The following BCL2 variants were observed in gnomAD, a reference collection of about 807,000 sequenced individuals.
BCL2 encodes the protein BCL2 apoptosis regulator, also known as apoptosis regulator Bcl-2.
Under a neutral mutation model 14.2 loss-of-function variants are expected in BCL2, and 1 was observed. The observed-to-expected ratio is 0.07, with a 90% CI of 0.02 to 0.33. The LOEUF is 0.33. Among genes scored for constraint, BCL2 ranks in the 10% least tolerant of loss-of-function variants. The pLI is 0.99. For synonymous variants in BCL2, 151 were observed against 137.2 expected, an observed-to-expected ratio of 1.10 and a Z score of -0.70; for missense variants, 247 against 305.9, an observed-to-expected ratio of 0.81 and a Z score of 1.44.
chr18:63,206,788 G>T (rs1909848479), intron 2 of BCL2, among the ~76,000 whole-genome samples: 1 of 152,218 alleles, frequency 6.6e-6, no homozygotes, highest in Middle Eastern at 3.4e-3. Flanking sequence ...AGCACAGTGG[G>T]AGGGTTGGGG....
chr18:63,193,559 ATTC>A (rs1307135421), intron 2 of BCL2, among the ~76,000 whole-genome samples: 2 of 151,008 alleles, frequency 1.3e-5, no homozygotes, highest in African/African-American at 4.9e-5. Flanking sequence ...ATATGAAAAT[ATTC>A]TTAAGGCGGA....
chr18:63,147,499 G>A (rs1283070879), intron 2 of BCL2, among the ~76,000 whole-genome samples: 1 of 152,140 alleles, frequency 6.6e-6, no homozygotes, highest in Non-Finnish European at 1.5e-5. Context: ...AAGAAGCCGG[G>A]ACGTGACCTG....
intron 2 of BCL2, among the ~76,000 whole-genome samples, chr18:63,276,984 T>C (rs1239809525): frequency 1.3e-5 from 2 of 152,194 alleles, no homozygotes; most frequent in Non-Finnish European, 1.5e-5. Flanking sequence ...TCATAAGAAG[T>C]GAGGTTTTGG....
Position 63,282,547 on chromosome 18 carries a change from G to A in BCL2, c.585+35535C>T, listed in dbSNP as rs77461827. Among the ~76,000 whole-genome samples the A allele has an allele frequency of 6.9e-3, 1,054 of 152,150 alleles. 12 individuals carry two copies. Among genetic ancestry groups the A allele is most frequent in the African/African-American group, 0.022 (920 of 41,516 alleles). ...AATGGCAGTTTGATTTGTAAAGCAC[G>A]GCAATGGAATGAAAATCTTATTTTC... On this transcript the variant is annotated intron_variant, in intron 2 of 2. Transcript: ENST00000333681.
chr18:63,181,053 G>A (rs1353229764), intron 2 of BCL2, among the ~76,000 whole-genome samples: 1 of 152,166 alleles, frequency 6.6e-6, no homozygotes, highest in Non-Finnish European at 1.5e-5. Context: ...GGCTCACGAC[G>A]GAGGCCCCAA....
chr18:63,178,318 A>G (rs1915397098), intron 2 of BCL2, among the ~76,000 whole-genome samples: 1 of 152,204 alleles, frequency 6.6e-6, no homozygotes, highest in African/African-American at 2.4e-5. Context: ...TTGTTTAGAA[A>G]TGAAAATGGC....
At chr18:63,159,192 G>A (rs1167093119) in intron 2 of BCL2, among the ~76,000 whole-genome samples, 1 of 152,152 alleles carries the variant, frequency 6.6e-6, no homozygotes, top group Non-Finnish European at 1.5e-5. Flanking sequence ...ACTGACTAGT[G>A]AGAAAAAGCA....
intron 2 of BCL2, among the ~76,000 whole-genome samples, chr18:63,186,089 T>C (rs1326692256): frequency 6.6e-6 from 1 of 152,236 alleles, no homozygotes; most frequent in East Asian, 1.9e-4. Flanking sequence ...TTGGTTTCAG[T>C]TAATATATAG....
chr18:63,246,652 G>A (rs1482420114), intron 2 of BCL2, among the ~76,000 whole-genome samples: 1 of 152,078 alleles, frequency 6.6e-6, no homozygotes, highest in African/African-American at 2.4e-5. Context: ...AATTTGGGTG[G>A]GGACACAGCC....
At chr18:63,257,583 T>C (rs962106683) in intron 2 of BCL2, among the ~76,000 whole-genome samples, 3 of 152,230 alleles carry the variant, frequency 2.0e-5, no homozygotes, top group African/African-American at 7.2e-5. Flanking sequence ...CCATTCTTCG[T>C]CTGAGGACAA....
chr18:63,292,249 C>A (rs1912674216), intron 2 of BCL2, among the ~76,000 whole-genome samples: 2 of 151,020 alleles, frequency 1.3e-5, no homozygotes, highest in African/African-American at 4.9e-5. Flanking sequence ...AAAAATCATG[C>A]CCAATCCTTC....
At chr18:63,180,285 A>G (rs1417756308) in intron 2 of BCL2, among the ~76,000 whole-genome samples, 3 of 152,256 alleles carry the variant, frequency 2.0e-5, no homozygotes, top group African/African-American at 7.2e-5. Context: ...CCCTAGCCAA[A>G]TGGGGAAGAG....
intron 2 of BCL2, among the ~76,000 whole-genome samples, chr18:63,252,679 GC>G (rs1911351517): frequency 6.6e-6 from 1 of 152,226 alleles, no homozygotes; most frequent in South Asian, 2.1e-4. Flanking sequence ...CGTGAGATGT[GC>G]CTTTCACCAT....
intron 2 of BCL2, among the ~76,000 whole-genome samples, chr18:63,144,534 C>T (rs971849746): frequency 2.0e-5 from 3 of 152,108 alleles, no homozygotes; most frequent in Middle Eastern, 6.8e-3. Context: ...GATCCAACTC[C>T]GGCTCCCCCG....
At chr18:63,225,947 C>T (rs957052966) in intron 2 of BCL2, among the ~76,000 whole-genome samples, 1 of 152,186 alleles carries the variant, frequency 6.6e-6, no homozygotes, top group Non-Finnish European at 1.5e-5. Context: ...TTTACACCTG[C>T]ATTGTGGCAC....
At chr18:63,293,480 T>A (rs976781910) in intron 2 of BCL2, among the ~76,000 whole-genome samples, 6 of 152,214 alleles carry the variant, frequency 3.9e-5, no homozygotes, top group African/African-American at 1.2e-4. Flanking sequence ...TATCTTCCAC[T>A]GAGATTAAAG....
intron 2 of BCL2, among the ~76,000 whole-genome samples, chr18:63,145,374 C>T (rs1222109141): frequency 8.1e-6 from 1 of 122,940 alleles, no homozygotes; most frequent in Non-Finnish European, 1.6e-5. Flanking sequence ...GGCCACTCGC[C>T]CCACTGCCCA....
chr18:63,215,877 G>A (rs990375621), intron 2 of BCL2, among the ~76,000 whole-genome samples: 1 of 151,986 alleles, frequency 6.6e-6, no homozygotes, highest in East Asian at 1.9e-4. Context: ...TTCCTTATAG[G>A]TACTATTGGA....
At position 63,169,371 on chromosome 18, in the gene BCL2, CTT is replaced by C. The variant is rs1915158895; in HGVS notation, c.586-40614_586-40613del. On this transcript the variant is annotated intron_variant, in intron 2 of 2. Coordinates refer to ENST00000333681, the MANE Select transcript of BCL2 (RefSeq NM_000633.3). ...TTTCTTTCTTTCTTTCTTTCTTTCT[CTT>C]TCTTTCTTTCTTTCTTTTTCTTTCT... Among the ~76,000 whole-genome samples the C allele has an allele frequency of 8.4e-5, 3 of 35,920 alleles. 1 individual carries two copies. Among genetic ancestry groups the C allele is most frequent in the Non-Finnish European group, 2.1e-4 (3 of 14,600 alleles). 23.6% of individuals were successfully genotyped at this position (35,920 alleles called of 152,430 possible).
Sources: gnomAD v4.1 joint callset for allele counts (sites outside exome capture counted in the v4.1 genomes callset) on GRCh38, gnomAD v4.1.1 for gene constraint, MANE v1.5 for transcripts, NCBI Gene and HGNC (gene_info 2026-07-23, HGNC 2026-07-21) for gene names.